Variants in ARHGAP44 observed in about 807,000 individuals in gnomAD.
The protein encoded by ARHGAP44 is Rho GTPase activating protein 44.
A neutral mutation model predicts 106.8 loss-of-function variants in ARHGAP44; 43 were observed. The observed-to-expected ratio is 0.40, with a 90% CI of 0.32 to 0.52. The LOEUF is 0.52. ARHGAP44 is among the 20% of genes least tolerant of loss of function. The pLI is 0.48. For synonymous variants in ARHGAP44, 439 were observed against 410.3 expected, an observed-to-expected ratio of 1.07 and a Z score of -0.85; for missense variants, 866 against 1,050.5, an observed-to-expected ratio of 0.82 and a Z score of 2.43.
At chr17:12,894,241 AGT>A (rs60415791) in intron 1 of ARHGAP44, among the ~76,000 whole-genome samples, 12,833 of 147,932 alleles carry the variant, frequency 0.087, 676 homozygotes, top group Non-Finnish European at 0.13. Context: ...AGAGAGAGAG[AGT>A]GTGTGTGTGT....
intron 1 of ARHGAP44, among the ~76,000 whole-genome samples, chr17:12,886,333 T>G (rs1361542728): frequency 1.3e-5 from 2 of 152,238 alleles, no homozygotes; most frequent in African/African-American, 4.8e-5. Context: ...GTATCAATTT[T>G]AGAATCAATT....
At chr17:12,941,184 C>T in intron 8 of ARHGAP44, 60 bp downstream of exon 8, 1 of 1,502,514 alleles carries the variant, frequency 6.7e-7, no homozygotes, top group Non-Finnish European at 9.3e-7. Flanking sequence ...GGAATGTGGG[C>T]ATGGAATTAA....
chr17:12,857,407 G>A (rs1412305812), intron 1 of ARHGAP44, among the ~76,000 whole-genome samples: 1 of 152,160 alleles, frequency 6.6e-6, no homozygotes, highest in Non-Finnish European at 1.5e-5. Context: ...TCATAACATG[G>A]CAGAGGGTGT....
At position 12,984,421 on chromosome 17, in the gene ARHGAP44, G is replaced by A. The variant is rs1378334085; in HGVS notation, c.1940-110G>A. The A allele has an allele frequency of 5.7e-6, 7 of 1,237,988 alleles. No individual in the cohort carries two copies. In the Admixed American group the frequency reaches 1.3e-4, roughly 24 times the overall value. 76.7% of individuals were successfully genotyped at this position (1,237,988 alleles called of 1,614,324 possible). On this transcript the variant is annotated intron_variant, in intron 19 of 20. Coordinates refer to ENST00000379672, the MANE Select transcript of ARHGAP44 (RefSeq NM_014859.6). ...AGGGAGGTGTGGGTGGGTGGCGAGG[G>A]GCAGGAGGTGGGGACAGCTTTGAAC...
At chr17:12,892,066 A>G (rs976411459) in intron 1 of ARHGAP44, among the ~76,000 whole-genome samples, 6 of 152,252 alleles carry the variant, frequency 3.9e-5, no homozygotes, top group African/African-American at 1.4e-4. Flanking sequence ...CTGGGATTGC[A>G]GGCGTGAGCC....
At chr17:12,968,723 A>T (rs2039451448) in intron 16 of ARHGAP44, among the ~76,000 whole-genome samples, 1 of 149,170 alleles carries the variant, frequency 6.7e-6, no homozygotes, top group Non-Finnish European at 1.5e-5. Context: ...TCCAGTCCCC[A>T]TTTTTTGTTC....
At chr17:12,970,904 A>G (rs941767199) in intron 16 of ARHGAP44, among the ~76,000 whole-genome samples, 1 of 152,172 alleles carries the variant, frequency 6.6e-6, no homozygotes, top group African/African-American at 2.4e-5. Flanking sequence ...TTGAACATTT[A>G]CATATACCAT....
intron 20 of ARHGAP44, among the ~76,000 whole-genome samples, chr17:12,989,117 A>G (rs1403201966): frequency 6.7e-6 from 1 of 148,182 alleles, no homozygotes; most frequent in East Asian, 2.0e-4. Context: ...AAAAAAAAAA[A>G]AAAAAAAACT....
chr17:12,821,479 G>C (rs2034768677), intron 1 of ARHGAP44, among the ~76,000 whole-genome samples: 1 of 152,280 alleles, frequency 6.6e-6, no homozygotes, highest in Non-Finnish European at 1.5e-5. Context: ...GCAAACAAGA[G>C]TCATTTTATT....
At chr17:12,842,922 C>G (rs1275213575) in intron 1 of ARHGAP44, among the ~76,000 whole-genome samples, 2 of 152,160 alleles carry the variant, frequency 1.3e-5, no homozygotes, top group African/African-American at 4.8e-5. Context: ...CCTGGTCACT[C>G]CTGTCACCTC....
intron 12 of ARHGAP44, among the ~76,000 whole-genome samples, chr17:12,950,417 G>T (rs761650483): frequency 2.0e-5 from 3 of 152,182 alleles, no homozygotes; most frequent in African/African-American, 7.2e-5. Flanking sequence ...AAAGCCAGGC[G>T]CAGGGCTGTA....
At chr17:12,889,885 GA>G (rs1329979991) in intron 1 of ARHGAP44, among the ~76,000 whole-genome samples, 3 of 152,214 alleles carry the variant, frequency 2.0e-5, no homozygotes, top group African/African-American at 7.2e-5. Flanking sequence ...AGAATAAAGG[GA>G]TAACTGGTTC....
chr17:12,984,832 C>T lies in ARHGAP44; in HGVS notation c.2241C>T (p.Asn747=). Reference sequence around the variant, plus strand: ...CGCCTCCTCAGCCTCCCACAGTAAACCTCTCGGCCTCTAGTCCACAGTCCA... The same window carrying T: ...CGCCTCCTCAGCCTCCCACAGTAAATCTCTCGGCCTCTAGTCCACAGTCCA... The part of the protein sequence containing the change: ...TLPPPQPPTV[N]LSASSPQSTE... Residue 747 remains asparagine, a synonymous_variant, in exon 20 of 21, where the codon AAC becomes AAT. Coordinates refer to ENST00000379672, the MANE Select transcript of ARHGAP44 (RefSeq NM_014859.6). 1 of 1,613,990 alleles carries T rather than the reference C, an allele frequency of 6.2e-7. No homozygotes were observed. The highest frequency in any genetic ancestry group is 8.5e-7 in the Non-Finnish European group (1 of 1,179,892).
chr17:12,984,819 C>T lies in ARHGAP44; in HGVS notation c.2228C>T (p.Pro743Leu). 6.2e-7 allele frequency: 1 copy of T among 1,614,000 alleles called. No individual in the cohort carries two copies. Among genetic ancestry groups the T allele is most frequent in the South Asian group, 1.1e-5 (1 of 91,084 alleles). Residue 743 changes from proline to leucine, a missense_variant, in exon 20 of 21, where the codon CCT (proline) becomes CTT (leucine). Coordinates refer to ENST00000379672, the MANE Select transcript of ARHGAP44 (RefSeq NM_014859.6). ...AGACCTACTCTGCCGCCTCCTCAGC[C>T]TCCCACAGTAAACCTCTCGGCCTCT... ...RQRPTLPPPQ[P>L]PTVNLSASSP...
chr17:12,830,541 C>A (rs1327281166), intron 1 of ARHGAP44, among the ~76,000 whole-genome samples: 1 of 152,048 alleles, frequency 6.6e-6, no homozygotes, highest in African/African-American at 2.4e-5. Context: ...TCTCCTTTAC[C>A]TGGTAATATG....
At chr17:12,976,158 A>G (rs2039675188) in intron 18 of ARHGAP44, among the ~76,000 whole-genome samples, 3 of 152,082 alleles carry the variant, frequency 2.0e-5, no homozygotes, top group Admixed American at 6.6e-5. Context: ...GGGAAGCTGA[A>G]TCTTCTAACC....
chr17:12,870,393 T>A (rs2036375939), intron 1 of ARHGAP44, among the ~76,000 whole-genome samples: 1 of 152,260 alleles, frequency 6.6e-6, no homozygotes, highest in East Asian at 1.9e-4. Context: ...AGCCTTTTAA[T>A]ACGTACTGCC....
intron 6 of ARHGAP44, among the ~76,000 whole-genome samples, chr17:12,921,772 C>T (rs1027551596): frequency 6.6e-6 from 1 of 152,124 alleles, no homozygotes; most frequent in African/African-American, 2.4e-5. Context: ...TTCACCTGGA[C>T]GCAAGGAGTA....
At position 12,949,166 on chromosome 17, in the gene ARHGAP44, C is replaced by G. The variant is rs1477402359; in HGVS notation, c.888C>G (p.Ala296=). 1 of 1,578,716 alleles carries G rather than the reference C, an allele frequency of 6.3e-7. No homozygotes were observed. Among genetic ancestry groups the G allele is most frequent in the African/African-American group, 1.4e-5 (1 of 74,066 alleles). The change falls in exon 11 of 21, where the codon GCC becomes GCG. Residue 296 remains alanine (A), a synonymous_variant. Transcript: ENST00000379672. This position sits in a 1 kb window ranked among gnomAD's most constrained non-coding sequence, Gnocchi z 4.1. Reference sequence around the variant, plus strand: ...GACTCTTCCGAGTAGCCCCCTCTGCCTCCAAACTGAAGAAGCTGAAAGCGG... The same window carrying G: ...GACTCTTCCGAGTAGCCCCCTCTGCGTCCAAACTGAAGAAGCTGAAAGCGG... ...EEGLFRVAPS[A]SKLKKLKAAL...
Sources: gnomAD v4.1 joint callset for allele counts (sites outside exome capture counted in the v4.1 genomes callset) on GRCh38, gnomAD v4.1.1 for gene constraint, Gnocchi (gnomAD v3.1) non-coding constraint, MANE v1.5 for transcripts, NCBI Gene and HGNC (gene_info 2026-07-23, HGNC 2026-07-21) for gene names.